USP40: variants seen among roughly 807,000 people sequenced by gnomAD.
USP40 encodes the protein ubiquitin specific peptidase 40.
A neutral mutation model predicts 166.2 loss-of-function variants in USP40; 143 were observed. That is an observed-to-expected ratio of 0.86 (90% confidence interval 0.75 to 0.99). The LOEUF (loss-of-function observed/expected upper bound fraction) is 0.99. USP40 is among the 50% of genes least tolerant of loss of function. The pLI is 0.00. For missense variants in USP40, 1,444 were observed against 1,479.7 expected (o/e 0.98, Z 0.40); for synonymous variants, 498 against 524.0 (o/e 0.95, Z 0.68).
intron 3 of USP40, chr2:233,561,139 A>ATAC (rs1298627864): frequency 8.3e-6 from 13 of 1,566,284 alleles, no homozygotes; most frequent in Non-Finnish European, 8.7e-6. Context: ...AAAACACCCC[A>ATAC]GTAAATCATA....
intron 1 of USP40, 112 bp from the exon 2 acceptor site, chr2:233,565,685 GTTTC>G: frequency 5.3e-6 from 5 of 949,974 alleles, no homozygotes; most frequent in Non-Finnish European, 7.6e-6. Flanking sequence ...CAGGACTACT[GTTTC>G]TATGTACAGT....
intron 21 of USP40, among the ~76,000 whole-genome samples, chr2:233,503,223 A>C (rs2066196636): frequency 6.6e-6 from 1 of 152,216 alleles, no homozygotes; most frequent in Non-Finnish European, 1.5e-5. Context: ...CCCAGTCAGA[A>C]GAATAAAAAG....
chr2:233,529,815 T>TTTTTTTC (rs2068365458), intron 11 of USP40, among the ~76,000 whole-genome samples: 1 of 56,440 alleles, frequency 1.8e-5, no homozygotes, highest in African/African-American at 7.8e-5. Context: ...TTTCTTTTTC[T>TTTTTTTC]TTTTTTTTTT....
chr2:233,481,056 G>A, intron 31 of USP40, 147 bp downstream of exon 31: 1 of 683,162 alleles, frequency 1.5e-6, no homozygotes, highest in Non-Finnish European at 2.4e-6. Context: ...GAACGCAGGG[G>A]GCGGAGAAGG....
intron 8 of USP40, chr2:233,545,708 C>CAGGCA (rs1312799206): frequency 4.7e-6 from 1 of 212,074 alleles, no homozygotes; most frequent in Non-Finnish European, 1.0e-5. Flanking sequence ...CTACTCCTTA[C>CAGGCA]AGGCAGTACC....
chr2:233,504,872 A>T (rs2066313170), intron 21 of USP40, among the ~76,000 whole-genome samples: 2 of 152,072 alleles, frequency 1.3e-5, no homozygotes, highest in South Asian at 4.1e-4. Context: ...ACAGATATTT[A>T]TAGAACAGTC....
rs1044917198 is a variant in USP40 at position 233,496,835 on chromosome 2, G to A, written c.2716-3C>T. 3.1e-6 allele frequency: 5 copies of A among 1,610,814 alleles called. No individual in the cohort carries two copies. Among genetic ancestry groups the A allele is most frequent in the Admixed American group, 1.7e-5 (1 of 59,734 alleles). On this transcript the variant is annotated splice_polypyrimidine_tract_variant and splice_region_variant and intron_variant, in intron 23 of 31. Coordinates refer to ENST00000678225, the MANE Select transcript of USP40 (RefSeq NM_001365479.2). ...AGAAGTTCTTTCAGTGTTGCATCCT[G>A]GGAAGACAAAAATGCTTTTTTGTCA...
At chr2:233,503,618 G>A (rs896179488) in intron 21 of USP40, among the ~76,000 whole-genome samples, 3 of 147,164 alleles carry the variant, frequency 2.0e-5, no homozygotes, top group African/African-American at 7.5e-5. Flanking sequence ...AGAAAATGGG[G>A]GTAATATAGG....
intron 22 of USP40, among the ~76,000 whole-genome samples, chr2:233,498,956 T>G (rs907939624): frequency 6.6e-6 from 1 of 152,202 alleles, no homozygotes; most frequent in African/African-American, 2.4e-5. Context: ...AAGGAATCAG[T>G]GGAAGACCTG....
intron 1 of USP40, 90 bp from the exon 2 acceptor site, chr2:233,565,663 T>C: frequency 8.7e-7 from 1 of 1,147,192 alleles, no homozygotes; most frequent in East Asian, 2.6e-5. Flanking sequence ...GATTCTGTTG[T>C]TTCTTAGAAC....
intron 10 of USP40, among the ~76,000 whole-genome samples, chr2:233,536,261 T>G (rs1188855625): frequency 6.6e-6 from 1 of 152,076 alleles, no homozygotes; most frequent in Non-Finnish European, 1.5e-5. Context: ...AGCAAAGAAA[T>G]GTACACTTTA....
intron 31 of USP40, among the ~76,000 whole-genome samples, chr2:233,478,352 C>G (rs914325251): frequency 1.3e-5 from 2 of 152,170 alleles, no homozygotes; most frequent in Non-Finnish European, 2.9e-5. Context: ...GTCTTTCCCA[C>G]TTTAGTGTTG....
rs1274787736 is a variant in USP40 at position 233,486,771 on chromosome 2, A to G, written c.3198-794T>C. On this transcript the variant is annotated intron_variant, in intron 28 of 31. Coordinates refer to ENST00000678225, the MANE Select transcript of USP40 (RefSeq NM_001365479.2). This position sits in a 1 kb window ranked among gnomAD's most constrained non-coding sequence, Gnocchi z 4.0. ...AGATGTGGGCCCATGGAATCAGGGG[A>G]GTGCAGAGTGCAAGAGCAGAGGCTG... 6.6e-6 allele frequency among the ~76,000 whole-genome samples: 1 copy of G among 152,196 alleles called. No individual in the cohort carries two copies. Among genetic ancestry groups the G allele is most frequent in the African/African-American group, 2.4e-5 (1 of 41,436 alleles).
At chr2:233,485,461 A>G (rs1200394366) in intron 30 of USP40, 70 bp downstream of exon 30, 2 of 1,191,572 alleles carry the variant, frequency 1.7e-6, no homozygotes, top group African/African-American at 3.1e-5. Flanking sequence ...AGATTCAATA[A>G]AACGTCTCTA....
chr2:233,556,877 C>A lies in USP40; in HGVS notation c.524G>T (p.Cys175Phe), dbSNP rs1409660552. The change falls in exon 5 of 32, where the codon TGT becomes TTT. Residue 175 changes from cysteine (C) to phenylalanine (F), a missense_variant. By Grantham distance (205) the Cys-to-Phe change is radical. Transcript: ENST00000678225. ...TACCTGCCTCTCGCTAACGTTCTTACATTCTTTACAAACAATCTGGTTAAC... is the reference window on the plus strand; with the variant it reads ...TACCTGCCTCTCGCTAACGTTCTTAAATTCTTTACAAACAATCTGGTTAAC... ...TIVNQIVCKECKNVSERQEDF... is the reference protein window; with the variant it reads ...TIVNQIVCKEFKNVSERQEDF... The A allele has an allele frequency of 5.6e-6, 9 of 1,611,368 alleles. No individual in the cohort carries two copies. Among genetic ancestry groups the A allele is most frequent in the African/African-American group, 1.3e-5 (1 of 74,834 alleles).
At chr2:233,516,984 C>T (rs2067242641) in intron 18 of USP40, among the ~76,000 whole-genome samples, 1 of 151,974 alleles carries the variant, frequency 6.6e-6, no homozygotes, top group Admixed American at 6.6e-5. Context: ...ACAGGTCTTG[C>T]ACATATTTTG....
rs118103976 is a variant in USP40 at position 233,549,633 on chromosome 2, A to C, written c.838-404T>G. Among the ~76,000 whole-genome samples, 962 of 71,718 alleles carry C rather than the reference A, an allele frequency of 0.013. 22 individuals carry two copies. In the East Asian group the frequency reaches 0.23, roughly 17 times the overall value. 47.0% of individuals were successfully genotyped at this position (71,718 alleles called of 152,430 possible). A position where few individuals can be genotyped will look rare whatever the true frequency, so the allele number is the denominator to read the frequency against. Reference sequence around the variant, plus strand: ...TGCTTTATAGATGCACTCTTCTTTTAAAATGCATCCCCTTTTTTTATTGAT... The same window carrying C: ...TGCTTTATAGATGCACTCTTCTTTTCAAATGCATCCCCTTTTTTTATTGAT... On this transcript the variant is annotated intron_variant, in intron 7 of 31. Coordinates refer to ENST00000678225, the MANE Select transcript of USP40 (RefSeq NM_001365479.2).
At chr2:233,526,366 C>T (rs1244611252) in intron 13 of USP40, among the ~76,000 whole-genome samples, 2 of 152,138 alleles carry the variant, frequency 1.3e-5, no homozygotes, top group Non-Finnish European at 2.9e-5. Context: ...AGACTAGGTT[C>T]AGATTCCCAC....
intron 10 of USP40, 94 bp downstream of exon 10, chr2:233,540,568 A>C (rs1055696375): frequency 2.9e-5 from 21 of 720,240 alleles, no homozygotes; most frequent in Non-Finnish European, 4.6e-5. Flanking sequence ...ATTTTCACCT[A>C]TTTTAAATAT....
Sources: gnomAD v4.1 joint callset for allele counts (sites outside exome capture counted in the v4.1 genomes callset) on GRCh38, gnomAD v4.1.1 for gene constraint, Gnocchi (gnomAD v3.1) non-coding constraint, MANE v1.5 for transcripts, NCBI Gene and HGNC (gene_info 2026-07-23, HGNC 2026-07-21) for gene names.